SCAPER: variants seen among roughly 807,000 people sequenced by gnomAD.
SCAPER encodes the protein S-phase cyclin A associated protein in the ER.
A neutral mutation model predicts 182.2 loss-of-function variants in SCAPER; 98 were observed. The observed-to-expected ratio is 0.54, with a 90% CI of 0.46 to 0.64. The LOEUF (loss-of-function observed/expected upper bound fraction) is 0.64. SCAPER is among the 30% of genes least tolerant of loss of function. The pLI is 0.00. For synonymous variants in SCAPER, 605 were observed against 564.6 expected, an observed-to-expected ratio of 1.07 and a Z score of -1.01; for missense variants, 1,432 against 1,690.0, an observed-to-expected ratio of 0.85 and a Z score of 2.68.
At chr15:76,841,990 T>C in intron 4 of SCAPER, 59 bp from the exon 5 acceptor site, 1 of 1,449,082 alleles carries the variant, frequency 6.9e-7, no homozygotes, top group Non-Finnish European at 9.4e-7. Context: ...AGGGACTGGA[T>C]TTTTTATAAA....
Position 76,650,419 on chromosome 15 carries a change from A to G in SCAPER, c.2645+15234T>C, listed in dbSNP as rs139469871. Among the ~76,000 whole-genome samples the G allele has an allele frequency of 3.5e-4, 53 of 152,132 alleles. 1 individual carries two copies. The East Asian group carries it at 9.5e-3, about 27-fold the overall frequency. On this transcript the variant is annotated intron_variant, in intron 21 of 31. Coordinates refer to ENST00000563290, the MANE Select transcript of SCAPER (RefSeq NM_020843.4). ...TTAGGATAAAGAGAATTAGAAGAAG[A>G]TATGAAGAAGGAAAATTGATAATGG...
intron 14 of SCAPER, among the ~76,000 whole-genome samples, chr15:76,758,862 C>G (rs781054529): frequency 5.3e-5 from 8 of 151,992 alleles, no homozygotes; most frequent in Non-Finnish European, 1.0e-4. Context: ...AAAACTGTAT[C>G]CTTAATTTCT....
chr15:76,782,473 G>C (rs1284964925), intron 8 of SCAPER, among the ~76,000 whole-genome samples: 1 of 152,134 alleles, frequency 6.6e-6, no homozygotes. Context: ...ACAGATCAAT[G>C]AGACAGAAGG....
rs772466426 is a variant in SCAPER at position 76,800,265 on chromosome 15, T to C, written c.594A>G (p.Arg198=). The C allele has an allele frequency of 5.6e-6, 9 of 1,610,802 alleles. No individual in the cohort carries two copies. The highest frequency in any genetic ancestry group is 5.9e-6 in the Non-Finnish European group (7 of 1,177,880). Residue 198 remains arginine, a synonymous_variant, in exon 7 of 32, where the codon CGA becomes CGG. Coordinates refer to ENST00000563290, the MANE Select transcript of SCAPER (RefSeq NM_020843.4). ...TDRINVTSNA[R]RSLNFGGSTG... is the part of the protein sequence containing the mutation. ...CATCTCACCCAAAATTTAAGCTTCG[T>C]CGAGCATTTGATGTTACATTTATTC...
intron 22 of SCAPER, among the ~76,000 whole-genome samples, chr15:76,577,418 G>A (rs1484610966): frequency 1.3e-5 from 2 of 152,142 alleles, no homozygotes; most frequent in Admixed American, 6.5e-5. Context: ...CTGCGCTCTA[G>A]CCTGGGTGAA....
chr15:76,572,944 C>CACACACAG (rs1304389875), intron 23 of SCAPER, among the ~76,000 whole-genome samples: 7 of 151,432 alleles, frequency 4.6e-5, no homozygotes, highest in South Asian at 2.1e-4. Context: ...CACACACACA[C>CACACACAG]AGAGAAATGT....
At chr15:76,571,497 C>G (rs2459359) in intron 23 of SCAPER, among the ~76,000 whole-genome samples, 5,250 of 152,158 alleles carry the variant, frequency 0.035, 124 homozygotes, top group Middle Eastern at 0.058. Context: ...GTTTCCTGAC[C>G]CCTTCCATGA....
chr15:76,535,417 G>A (rs563090310), intron 23 of SCAPER, among the ~76,000 whole-genome samples: 83 of 149,690 alleles, frequency 5.5e-4, no homozygotes, highest in African/African-American at 2.0e-3. Flanking sequence ...AGCTACTCAG[G>A]AGGCTGAGGC....
At chr15:76,449,547 T>C (rs1272019649) in intron 25 of SCAPER, among the ~76,000 whole-genome samples, 1 of 152,254 alleles carries the variant, frequency 6.6e-6, no homozygotes, top group Non-Finnish European at 1.5e-5. Flanking sequence ...TTCTCAACTG[T>C]AACTTGAAAT....
At chr15:76,400,756 G>A (rs975069693) in intron 27 of SCAPER, among the ~76,000 whole-genome samples, 1 of 152,164 alleles carries the variant, frequency 6.6e-6, no homozygotes, top group African/African-American at 2.4e-5. Context: ...ACTAACAGAA[G>A]TTTGCTAAGC....
chr15:76,771,366 T>A (rs1299103424), intron 10 of SCAPER, among the ~76,000 whole-genome samples: 1 of 152,106 alleles, frequency 6.6e-6, no homozygotes, highest in Non-Finnish European at 1.5e-5. Context: ...TAAAGTACTC[T>A]GTTAAGAAAG....
At chr15:76,526,055 G>C (rs550335247) in intron 23 of SCAPER, among the ~76,000 whole-genome samples, 2 of 152,190 alleles carry the variant, frequency 1.3e-5, no homozygotes, top group East Asian at 3.9e-4. Context: ...GTTGAACATT[G>C]TCAATAATTA....
At chr15:76,355,064 G>A (rs2040862702) in intron 29 of SCAPER, among the ~76,000 whole-genome samples, 1 of 152,126 alleles carries the variant, frequency 6.6e-6, no homozygotes, top group South Asian at 2.1e-4. Context: ...AATTTTACAG[G>A]TACACACCCA....
At chr15:76,573,103 T>C (rs867754720) in intron 23 of SCAPER, among the ~76,000 whole-genome samples, 16 of 152,160 alleles carry the variant, frequency 1.1e-4, no homozygotes, top group Middle Eastern at 3.2e-3. Context: ...TAGAGGTCTA[T>C]TGTGCAATAT....
intron 20 of SCAPER, among the ~76,000 whole-genome samples, chr15:76,677,799 T>C (rs1372652125): frequency 2.0e-5 from 3 of 151,252 alleles, no homozygotes; most frequent in Admixed American, 6.6e-5. Flanking sequence ...ATACTCAGGT[T>C]TATGACCTTG....
intron 24 of SCAPER, among the ~76,000 whole-genome samples, chr15:76,494,770 C>T (rs1333499650): frequency 6.6e-6 from 1 of 151,892 alleles, no homozygotes; most frequent in African/African-American, 2.4e-5. Context: ...TCTATCTTAT[C>T]AATATAGTTG....
intron 1 of SCAPER, among the ~76,000 whole-genome samples, chr15:76,897,892 G>C (rs1270719083): frequency 6.6e-6 from 1 of 151,908 alleles, no homozygotes; most frequent in East Asian, 1.9e-4. Context: ...GTAAATTCCA[G>C]ATATTTCCAG....
chr15:76,824,896 G>A (rs939313114), intron 5 of SCAPER, among the ~76,000 whole-genome samples: 2 of 152,074 alleles, frequency 1.3e-5, no homozygotes, highest in African/African-American at 4.8e-5. Flanking sequence ...AGTTGCCTGG[G>A]TAGTGATACA....
chr15:76,539,545 CTTTTTTTT>C (rs36086361), intron 23 of SCAPER, among the ~76,000 whole-genome samples: 1 of 119,414 alleles, frequency 8.4e-6, no homozygotes. Context: ...ATCAAAATTT[CTTTTTTTT>C]TTTTTTTTTT....
Sources: allele counts gnomAD v4.1 joint callset (sites outside exome capture counted in the v4.1 genomes callset), GRCh38; gene constraint gnomAD v4.1.1; transcripts MANE v1.5; gene names NCBI Gene and HGNC (gene_info 2026-07-23, HGNC 2026-07-21).